NIM1K: variants seen among roughly 807,000 people sequenced by gnomAD.
NIM1K encodes the protein serine/threonine-protein kinase NIM1.
A neutral mutation model predicts 37.1 loss-of-function variants in NIM1K; 35 were observed. The ratio of observed to expected loss-of-function variants is 0.94; its 90% confidence interval spans 0.72 to 1.25. NIM1K has a LOEUF of 1.25. Ranked by LOEUF, NIM1K falls within the 50% of genes most tolerant of loss-of-function variation. NIM1K has a pLI of 0.00. For missense variants in NIM1K, 564 were observed against 548.0 expected, an observed-to-expected ratio of 1.03 and a Z score of -0.29; for synonymous variants, 234 against 206.6, an observed-to-expected ratio of 1.13 and a Z score of -1.14.
chr5:43,245,052 G>A (rs1318204793), intron 1 of NIM1K, 30 bp from the exon 2 acceptor site: 5 of 152,172 alleles, frequency 3.3e-5, no homozygotes, highest in African/African-American at 9.7e-5. Context: ...ATTAGCATAG[G>A]CTAATAAATT....
At chr5:43,273,681 C>T in intron 2 of NIM1K, among the ~76,000 whole-genome samples, 1 of 152,194 alleles carries the variant, frequency 6.6e-6, no homozygotes, top group East Asian at 1.9e-4. Context: ...TTCTGCTTTT[C>T]CAGAACAGTG....
At chr5:43,273,550 T>C (rs957122439) in intron 2 of NIM1K, among the ~76,000 whole-genome samples, 1 of 152,188 alleles carries the variant, frequency 6.6e-6, no homozygotes, top group African/African-American at 2.4e-5. Context: ...ACAACCCTTT[T>C]TCTTAAAACC....
At chr5:43,203,452 C>T (rs930349185) in intron 1 of NIM1K, among the ~76,000 whole-genome samples, 5 of 152,154 alleles carry the variant, frequency 3.3e-5, no homozygotes, top group Non-Finnish European at 5.9e-5. Flanking sequence ...TGAACTGTGA[C>T]GAATCCGGCT....
chr5:43,277,779 CGTGTGTGT>C (rs765779433), intron 3 of NIM1K, among the ~76,000 whole-genome samples: 74 of 127,496 alleles, frequency 5.8e-4, no homozygotes, highest in African/African-American at 1.8e-3. Context: ...CCCCCCTCTC[CGTGTGTGT>C]GTGTGTGTGT....
intron 2 of NIM1K, among the ~76,000 whole-genome samples, chr5:43,257,541 G>A (rs889184503): frequency 1.3e-5 from 2 of 151,348 alleles, no homozygotes; most frequent in African/African-American, 2.4e-5. Context: ...CTAAAGAGAC[G>A]GGGGTTTCAC....
At chr5:43,200,499 C>T (rs1230588514) in intron 1 of NIM1K, among the ~76,000 whole-genome samples, 2 of 151,520 alleles carry the variant, frequency 1.3e-5, no homozygotes, top group African/African-American at 4.9e-5. Flanking sequence ...ACGGGGTTTC[C>T]CCGTGTTAGC....
intron 1 of NIM1K, among the ~76,000 whole-genome samples, chr5:43,201,124 C>CA (rs540562771): frequency 0.052 from 4,315 of 83,168 alleles, 126 homozygotes; most frequent in African/African-American, 0.12. Context: ...GACAACATCT[C>CA]AAAAAAAAAA....
At chr5:43,266,382 C>A (rs1290876334) in intron 2 of NIM1K, among the ~76,000 whole-genome samples, 1 of 152,228 alleles carries the variant, frequency 6.6e-6, no homozygotes, top group Non-Finnish European at 1.5e-5. Flanking sequence ...GCTGTGCTAG[C>A]AGTGAGTGAG....
At chr5:43,243,458 T>C (rs1752733847) in intron 1 of NIM1K, among the ~76,000 whole-genome samples, 1 of 151,820 alleles carries the variant, frequency 6.6e-6, no homozygotes, top group African/African-American at 2.4e-5. Flanking sequence ...GGTTTTTTTT[T>C]TTTTCCTCCT....
intron 1 of NIM1K, among the ~76,000 whole-genome samples, chr5:43,218,841 A>G (rs1752344162): frequency 1.4e-5 from 2 of 146,880 alleles, no homozygotes; most frequent in Non-Finnish European, 3.0e-5. Flanking sequence ...CAGTGCCCCC[A>G]CTCCACCCAC....
chr5:43,214,906 C>G (rs1488651984), intron 1 of NIM1K, among the ~76,000 whole-genome samples: 3 of 151,878 alleles, frequency 2.0e-5, no homozygotes, highest in African/African-American at 7.2e-5. Flanking sequence ...TATCTTCACA[C>G]TTATAATTAA....
intron 1 of NIM1K, chr5:43,232,048 GCT>G: frequency 9.8e-7 from 1 of 1,017,042 alleles, no homozygotes; most frequent in Non-Finnish European, 1.5e-6. Flanking sequence ...CATGCACACA[GCT>G]CTCTGTGTCT....
At chr5:43,232,426 A>T (rs1478864417) in intron 1 of NIM1K, 1 of 1,473,014 alleles carries the variant, frequency 6.8e-7, no homozygotes, top group East Asian at 2.3e-5. Context: ...TCAGATCAAC[A>T]TTCAGGACTC....
At chr5:43,275,570 G>A (rs1038791038) in intron 2 of NIM1K, among the ~76,000 whole-genome samples, 27 of 152,190 alleles carry the variant, frequency 1.8e-4, no homozygotes, top group Non-Finnish European at 3.7e-4. Context: ...TCACCAGCAC[G>A]CTGTCAACAC....
At chr5:43,232,068 G>A in intron 1 of NIM1K, 1 of 1,023,696 alleles carries the variant, frequency 9.8e-7, no homozygotes, top group East Asian at 3.5e-5. Context: ...TCTTGACCAG[G>A]TCTCCACCAG....
chr5:43,214,832 C>G lies in NIM1K; in HGVS notation c.-695+22421C>G, dbSNP rs12515984. On this transcript the variant is annotated intron_variant, in intron 1 of 3. Transcript: ENST00000326035. The stretch of plus-strand genomic sequence containing the variant: ...CCGTCTCAAAAAAAAAAAAAAAAAA[C>G]AAAAAAGAAAAAAGAAATGTGCCCA... Among the ~76,000 whole-genome samples the G allele has an allele frequency of 6.3e-5, 8 of 126,266 alleles. 1 individual carries two copies. Among genetic ancestry groups the G allele is most frequent in the Middle Eastern group, 4.4e-3 (1 of 226 alleles). 82.8% of individuals were successfully genotyped at this position (126,266 alleles called of 152,430 possible).
intron 2 of NIM1K, among the ~76,000 whole-genome samples, chr5:43,249,855 T>TC (rs989606001): frequency 6.8e-6 from 1 of 146,882 alleles, no homozygotes; most frequent in African/African-American, 2.5e-5. Context: ...GATTAGTTTT[T>TC]TTTTTTTTTT....
At chr5:43,225,949 A>T (rs934871291) in intron 1 of NIM1K, 7 of 152,204 alleles carry the variant, frequency 4.6e-5, no homozygotes, top group African/African-American at 1.7e-4. Context: ...ACAAAAGAGA[A>T]CTCTACATGG....
intron 1 of NIM1K, among the ~76,000 whole-genome samples, chr5:43,240,613 G>A (rs1015175897): frequency 1.4e-5 from 2 of 147,570 alleles, no homozygotes; most frequent in Admixed American, 1.4e-4. Flanking sequence ...GCATGATCTT[G>A]GCTCACGGCA....
Sources: allele counts gnomAD v4.1 joint callset (sites outside exome capture counted in the v4.1 genomes callset), GRCh38; gene constraint gnomAD v4.1.1; transcripts MANE v1.5; gene names NCBI Gene and HGNC (gene_info 2026-07-23, HGNC 2026-07-21).